DAB2IP: variants seen among roughly 807,000 people sequenced by gnomAD.
DAB2IP encodes the protein disabled homolog 2-interacting protein.
In DAB2IP, 28 loss-of-function variants were observed where a neutral mutation model predicts 107.2. The observed-to-expected ratio is 0.26, with a 90% CI of 0.19 to 0.36. The LOEUF is 0.36. DAB2IP is among the 10% of genes least tolerant of loss of function. DAB2IP has a pLI of 1.00. For missense variants in DAB2IP, 1,400 were observed against 1,644.7 expected (o/e 0.85, Z 2.57); for synonymous variants, 755 against 706.4 (o/e 1.07, Z -1.09).
At chr9:121,590,827 G>T (rs1830409829) in intron 1 of DAB2IP, among the ~76,000 whole-genome samples, 1 of 152,146 alleles carries the variant, frequency 6.6e-6, no homozygotes, top group Non-Finnish European at 1.5e-5. Flanking sequence ...CAACAATGAA[G>T]AAAACCAGGC....
chr9:121,687,609 G>A (rs1404205222), intron 2 of DAB2IP, among the ~76,000 whole-genome samples: 1 of 152,200 alleles, frequency 6.6e-6, no homozygotes, highest in Non-Finnish European at 1.5e-5. Flanking sequence ...TACCACCTCT[G>A]CTGTCTGTAC....
intron 1 of DAB2IP, among the ~76,000 whole-genome samples, chr9:121,666,829 A>G (rs1589479434): frequency 6.6e-6 from 1 of 150,868 alleles, no homozygotes; most frequent in Non-Finnish European, 1.5e-5. Context: ...TTATTTTAGC[A>G]AACTCTTTAT....
chr9:121,679,570 G>A (rs1400653906), intron 2 of DAB2IP, among the ~76,000 whole-genome samples: 3 of 151,980 alleles, frequency 2.0e-5, no homozygotes, highest in African/African-American at 2.4e-5. Flanking sequence ...CTTTCTCCAC[G>A]GAGCTCAGGT....
chr9:121,585,935 G>A (rs1466289297), intron 1 of DAB2IP, among the ~76,000 whole-genome samples: 4 of 152,058 alleles, frequency 2.6e-5, no homozygotes, highest in Admixed American at 1.3e-4. Flanking sequence ...AACTTGACCC[G>A]ATCCTAACCC....
At position 121,567,265 on chromosome 9, in the gene DAB2IP, T is replaced by G. The variant is rs759183425; in HGVS notation, c.40+37T>G. The G allele has an allele frequency of 5.6e-6, 9 of 1,613,618 alleles. No individual in the cohort carries two copies. In the African/African-American group the frequency reaches 1.2e-4, roughly 22 times the overall value. On this transcript the variant is annotated intron_variant, in intron 1 of 16. Coordinates refer to the DAB2IP transcript ENST00000259371. ...CCAGCAAAGTGCAGAGTTGGGGGTT[T>G]CAGCCTCTCTGCTCAACAGACTTTT...
chr9:121,571,802 G>T (rs922952384), intron 1 of DAB2IP, among the ~76,000 whole-genome samples: 2 of 151,982 alleles, frequency 1.3e-5, no homozygotes, highest in African/African-American at 4.8e-5. Flanking sequence ...GCCCCTTAGA[G>T]CATGGCCAAG....
intron 1 of DAB2IP, among the ~76,000 whole-genome samples, chr9:121,620,495 A>AT (rs1467868129): frequency 6.6e-6 from 1 of 152,232 alleles, no homozygotes; most frequent in East Asian, 1.9e-4. Context: ...GTAAAATGGG[A>AT]TAACAGTGCT....
At chr9:121,603,197 A>T (rs1373387783) in intron 1 of DAB2IP, among the ~76,000 whole-genome samples, 1 of 152,076 alleles carries the variant, frequency 6.6e-6, no homozygotes, top group Non-Finnish European at 1.5e-5. Context: ...CTATGTTTTC[A>T]ATCTCCATCC....
intron 3 of DAB2IP, among the ~76,000 whole-genome samples, chr9:121,718,719 G>A (rs1830752326): frequency 1.3e-5 from 2 of 152,248 alleles, no homozygotes; most frequent in African/African-American, 4.8e-5. Flanking sequence ...AGCAGCACCT[G>A]GCGAAGAGCA....
intron 3 of DAB2IP, among the ~76,000 whole-genome samples, chr9:121,749,986 C>T (rs1368674257): frequency 6.6e-6 from 1 of 152,152 alleles, no homozygotes; most frequent in Non-Finnish European, 1.5e-5. Flanking sequence ...GACATCGTGG[C>T]TGGCAATGAG....
intron 2 of DAB2IP, among the ~76,000 whole-genome samples, chr9:121,686,475 G>A (rs1215107314): frequency 6.6e-6 from 1 of 152,124 alleles, no homozygotes; most frequent in Non-Finnish European, 1.5e-5. Context: ...TCCCGTTAAG[G>A]TGTAAAGGCC....
intron 1 of DAB2IP, among the ~76,000 whole-genome samples, chr9:121,584,375 T>C (rs1034029905): frequency 6.6e-6 from 1 of 151,458 alleles, no homozygotes; most frequent in Non-Finnish European, 1.5e-5. Flanking sequence ...GCCACTGCAC[T>C]CTAGACAGGG....
chr9:121,651,865 G>A lies in DAB2IP; in HGVS notation c.90G>A (p.Arg30=). 1 of 1,453,960 alleles carries A rather than the reference G, an allele frequency of 6.9e-7. No homozygotes were observed. Among genetic ancestry groups the A allele is most frequent in the East Asian group, 2.8e-5 (1 of 35,114 alleles). The allele number at this position is 1,453,960 out of a possible 1,614,324, so 90.1% of individuals were successfully genotyped here. ...GGCGGCCCCGGCTGCAGCGACAGAG[G>A]AGCCGCTCCCGCAGCCGGACCCGGC... Residue 30 remains arginine, a synonymous_variant, in exon 1 of 16, where the codon AGG becomes AGA. Coordinates refer to ENST00000408936, the Ensembl canonical transcript of DAB2IP. The surrounding 1 kb of genome is among the most constrained non-coding windows in gnomAD (Gnocchi z 5.1).
At chr9:121,581,371 G>T (rs965357743) in intron 1 of DAB2IP, among the ~76,000 whole-genome samples, 1 of 152,230 alleles carries the variant, frequency 6.6e-6, no homozygotes. Context: ...TGCTCAACTT[G>T]TGGGGGAGCA....
rs148409496 is a variant in DAB2IP, at chr9:121,567,171, G to A, written c.-18G>A. The A allele has an allele frequency of 1.2e-3, 1,989 of 1,614,064 alleles. 29 individuals carry two copies. In the African/African-American group the frequency reaches 0.024, roughly 20 times the overall value. On this transcript the variant is annotated 5_prime_UTR_variant, in exon 1 of 17. Transcript: ENST00000259371. ...GTTCATAAATCAGGTGGGGCCAGGG[G>A]CTGGGGGCCCACACGCCATGGAGCC...
Position 121,773,333 on chromosome 9 carries a change from G to GC in DAB2IP, c.2811dup (p.Asn938GlnfsTer22). 1 of 1,473,938 alleles carries GC rather than the reference G, an allele frequency of 6.8e-7. No homozygotes were observed. The highest frequency in any genetic ancestry group is 1.2e-5 in the South Asian group (1 of 80,792). The allele number at this position is 1,473,938 out of a possible 1,614,324, so 91.3% of individuals were successfully genotyped here. ...CACCTCCTGCCCCCCGCGGCCGGAC[G>GC]CCCCCCAACCTGCTGAGCACCCTGC... On this transcript the variant is annotated frameshift_variant, in exon 12 of 16. Coordinates refer to ENST00000408936, the Ensembl canonical transcript of DAB2IP. LOFTEE classifies it high-confidence loss of function.
intron 1 of DAB2IP, among the ~76,000 whole-genome samples, chr9:121,577,992 C>G (rs1449475001): frequency 6.6e-6 from 1 of 151,398 alleles, no homozygotes; most frequent in Non-Finnish European, 1.5e-5. Flanking sequence ...CCTGGGAAGG[C>G]CTGTGCTTGA....
In DAB2IP at chr9:121,577,576, G is replaced by C. The variant is rs367717289; in HGVS notation, c.40+10348G>C. The stretch of plus-strand genomic sequence containing the variant: ...GGTTCCACAGACTGCACCAGAAAGA[G>C]TTGGTCTGTGCCCTAGAAAAGCCAC... On this transcript the variant is annotated intron_variant, in intron 1 of 16. Transcript: ENST00000259371. 2.0e-5 allele frequency among the ~76,000 whole-genome samples: 3 copies of C among 152,216 alleles called. No individual in the cohort carries two copies. The East Asian group carries it at 5.8e-4, about 29-fold the overall frequency.
chr9:121,770,255 C>T lies in DAB2IP; in HGVS notation c.1900-291C>T, dbSNP rs577733207. 3.9e-5 allele frequency among the ~76,000 whole-genome samples: 6 copies of T among 152,366 alleles called. No individual in the cohort carries two copies. In the East Asian group the frequency reaches 5.8e-4, roughly 15 times the overall value. On this transcript the variant is annotated intron_variant, in intron 10 of 15. Coordinates refer to ENST00000408936, the Ensembl canonical transcript of DAB2IP. ...GATTCCATGTGTGCTTTCCTCTCTG[C>T]GGAGGCACCAGGGCAGGGCAAACTG...
Sources: gnomAD v4.1 joint callset for allele counts (sites outside exome capture counted in the v4.1 genomes callset) on GRCh38, gnomAD v4.1.1 for gene constraint, Gnocchi (gnomAD v3.1) non-coding constraint, MANE v1.5 for transcripts, NCBI Gene and HGNC (gene_info 2026-07-23, HGNC 2026-07-21) for gene names.